Variants in DPP10 observed in about 807,000 individuals in gnomAD.
The protein encoded by DPP10 is inactive dipeptidyl peptidase 10.
Under a neutral mutation model 120.9 loss-of-function variants are expected in DPP10, and 33 were observed. The ratio of observed to expected loss-of-function variants is 0.27; its 90% CI spans 0.21 to 0.37. DPP10 has a LOEUF of 0.37. Ranked by LOEUF, DPP10 falls within the 10% of genes least tolerant of loss-of-function variation. The pLI is 1.00. For synonymous variants in DPP10, 337 were observed against 326.1 expected (o/e 1.03, Z -0.36); for missense variants, 816 against 942.8 (o/e 0.87, Z 1.76).
intron 5 of DPP10, among the ~76,000 whole-genome samples, chr2:115,631,485 CT>C (rs1177650685): frequency 1.3e-5 from 2 of 151,944 alleles, no homozygotes; most frequent in African/African-American, 4.8e-5. Context: ...TTCTCTAATT[CT>C]TTTAGTTGTG....
intron 1 of DPP10, chr2:114,461,768 C>G: frequency 1.0e-6 from 1 of 985,244 alleles, no homozygotes; most frequent in South Asian, 4.7e-5. Flanking sequence ...TGCTGCCATC[C>G]GTAAATTGGA....
intron 1 of DPP10, among the ~76,000 whole-genome samples, chr2:115,002,006 A>C (rs1469350624): frequency 6.6e-6 from 1 of 152,170 alleles, no homozygotes; most frequent in African/African-American, 2.4e-5. Flanking sequence ...TAACAATGAC[A>C]TTCCTCACAG....
chr2:115,721,602 A>G lies in DPP10; in HGVS notation c.577-6214A>G, dbSNP rs559858987. Among the ~76,000 whole-genome samples, 46 of 152,286 alleles carry G rather than the reference A, an allele frequency of 3.0e-4. No homozygotes were observed. The South Asian group carries it at 5.2e-3, about 17-fold the overall frequency. ...CACCTGTCAAGACAGCTATTATAAA[A>G]AAAAAAGTGTTGGTAAAAATGTGGA... On this transcript the variant is annotated intron_variant, in intron 7 of 25. Transcript: ENST00000410059.
intron 1 of DPP10, among the ~76,000 whole-genome samples, chr2:115,224,266 A>G (rs546570412): frequency 1.1e-3 from 172 of 152,258 alleles, no homozygotes; most frequent in African/African-American, 4.0e-3. Context: ...TGAGTTAACT[A>G]TGTGAAAGTT....
intron 1 of DPP10, among the ~76,000 whole-genome samples, chr2:115,256,194 C>T (rs1372165359): frequency 6.6e-6 from 1 of 152,156 alleles, no homozygotes; most frequent in East Asian, 1.9e-4. Flanking sequence ...CGTCTTTCTT[C>T]ATATAGCGGC....
At chr2:114,519,680 T>C (rs1684890445) in intron 1 of DPP10, among the ~76,000 whole-genome samples, 1 of 152,246 alleles carries the variant, frequency 6.6e-6, no homozygotes, top group South Asian at 2.1e-4. Flanking sequence ...AGTTCCATCT[T>C]TCCTCAAACA....
intron 5 of DPP10, among the ~76,000 whole-genome samples, chr2:115,672,680 C>CTCTCTCTTTCTTTCTTTCTTTCTT (rs2089983147): frequency 8.8e-6 from 1 of 113,264 alleles, no homozygotes; most frequent in Non-Finnish European, 1.8e-5. Context: ...CTCTTTCTTT[C>CTCTCTCTTTCTTTCTTTCTTTCTT]TCTTTCTTTC....
intron 2 of DPP10, among the ~76,000 whole-genome samples, chr2:115,335,458 C>G (rs566569023): frequency 6.6e-6 from 1 of 151,964 alleles, no homozygotes; most frequent in East Asian, 1.9e-4. Context: ...TTATCCTGAT[C>G]TCAAATGACA....
intron 11 of DPP10, among the ~76,000 whole-genome samples, chr2:115,755,937 T>G (rs1457081278): frequency 8.5e-6 from 1 of 118,036 alleles, no homozygotes; most frequent in African/African-American, 2.5e-5. Context: ...AAAAAGTGTG[T>G]GTGTGTGTAT....
intron 1 of DPP10, among the ~76,000 whole-genome samples, chr2:114,649,511 G>C (rs1696412175): frequency 6.6e-6 from 1 of 151,996 alleles, no homozygotes; most frequent in Middle Eastern, 3.4e-3. Flanking sequence ...ACCATGCCCG[G>C]CTAATTTTTT....
At chr2:115,249,609 C>G (rs1307433642) in intron 1 of DPP10, among the ~76,000 whole-genome samples, 1 of 152,108 alleles carries the variant, frequency 6.6e-6, no homozygotes, top group Non-Finnish European at 1.5e-5. Context: ...GTTAAATGAT[C>G]TGATCGGAAA....
chr2:115,309,635 T>C (rs552498748), intron 2 of DPP10, among the ~76,000 whole-genome samples: 10 of 152,188 alleles, frequency 6.6e-5, no homozygotes, highest in Admixed American at 2.6e-4. Flanking sequence ...TTACTATGTG[T>C]TAGTTTGATA....
chr2:115,573,762 G>GC (rs11371249), intron 5 of DPP10, among the ~76,000 whole-genome samples: 152,023 of 152,024 alleles, frequency 1, 76,011 homozygotes, highest in Middle Eastern at 1. Context: ...GGCCGTGTTG[G>GC]CAGGCTGTTC....
chr2:115,301,086 A>G (rs2061107250), intron 1 of DPP10, among the ~76,000 whole-genome samples: 1 of 151,936 alleles, frequency 6.6e-6, no homozygotes, highest in South Asian at 2.1e-4. Flanking sequence ...CAATTTCCCC[A>G]TAGACGGGGC....
At chr2:115,655,635 C>T (rs1302188514) in intron 5 of DPP10, among the ~76,000 whole-genome samples, 1 of 151,588 alleles carries the variant, frequency 6.6e-6, no homozygotes, top group Non-Finnish European at 1.5e-5. Flanking sequence ...TGTCCTTTTC[C>T]TCCTTTCATA....
chr2:115,381,791 G>A (rs1388882418), intron 3 of DPP10, among the ~76,000 whole-genome samples: 1 of 151,602 alleles, frequency 6.6e-6, no homozygotes, highest in African/African-American at 2.4e-5. Context: ...CTCAGCTGCA[G>A]GTCTGTTGGA....
At chr2:115,202,725 G>A (rs1362706823) in intron 1 of DPP10, among the ~76,000 whole-genome samples, 1 of 152,118 alleles carries the variant, frequency 6.6e-6, no homozygotes, top group Non-Finnish European at 1.5e-5. Context: ...GTTTAATATG[G>A]ACATGTGGCT....
At chr2:114,764,660 A>G (rs1034385315) in intron 1 of DPP10, among the ~76,000 whole-genome samples, 10 of 152,120 alleles carry the variant, frequency 6.6e-5, no homozygotes, top group Admixed American at 6.5e-4. Context: ...TATAAAGAAG[A>G]TAAATTTATA....
intron 1 of DPP10, among the ~76,000 whole-genome samples, chr2:114,587,558 G>T (rs1342414831): frequency 6.6e-6 from 1 of 152,028 alleles, no homozygotes; most frequent in Non-Finnish European, 1.5e-5. Flanking sequence ...ATTTAAATGA[G>T]AAACAAATCC....
Sources: allele counts gnomAD v4.1 joint callset (sites outside exome capture counted in the v4.1 genomes callset), GRCh38; gene constraint gnomAD v4.1.1; transcripts MANE v1.5; gene names NCBI Gene and HGNC (gene_info 2026-07-23, HGNC 2026-07-21).